Variants in SAMMSON observed in about 807,000 individuals in gnomAD.
SAMMSON encodes survival associated mitochondrial melanoma specific oncogenic non-coding RNA.
At chr3:70,058,989 TGAG>T (rs927696650) in intron 3 of SAMMSON, among the ~76,000 whole-genome samples, 6 of 152,000 alleles carry the variant, frequency 3.9e-5, no homozygotes, top group Admixed American at 3.3e-4. Flanking sequence ...TTTTATAGGT[TGAG>T]GAAATCAGGG....
chr3:70,100,628 G>A (rs566350911), intron 4 of SAMMSON, among the ~76,000 whole-genome samples: 22 of 151,870 alleles, frequency 1.4e-4, no homozygotes, highest in African/African-American at 3.6e-4. Flanking sequence ...GGAACTCATC[G>A]AAGAACTTCC....
intron 4 of SAMMSON, among the ~76,000 whole-genome samples, chr3:70,179,215 A>G (rs1293140679): frequency 6.6e-6 from 1 of 152,156 alleles, no homozygotes; most frequent in Non-Finnish European, 1.5e-5. Context: ...GGACACCTGG[A>G]GCTCTCTTCT....
intron 3 of SAMMSON, among the ~76,000 whole-genome samples, chr3:70,031,803 G>A (rs1221746303): frequency 1.3e-5 from 2 of 152,136 alleles, no homozygotes; most frequent in East Asian, 1.9e-4. Flanking sequence ...ACTGTAGACC[G>A]ACAGAGTTTG....
intron 4 of SAMMSON, among the ~76,000 whole-genome samples, chr3:70,176,203 A>G (rs981224495): frequency 6.6e-6 from 1 of 152,154 alleles, no homozygotes; most frequent in Non-Finnish European, 1.5e-5. Flanking sequence ...TCATGGAGGT[A>G]GTGCTGAGGA....
chr3:70,045,041 T>TA (rs1262350773), intron 3 of SAMMSON, among the ~76,000 whole-genome samples: 2 of 123,928 alleles, frequency 1.6e-5, no homozygotes, highest in Non-Finnish European at 3.2e-5. Flanking sequence ...ATATTATAAT[T>TA]AATATATATA....
intron 4 of SAMMSON, among the ~76,000 whole-genome samples, chr3:70,228,514 AG>A (rs1701529223): frequency 6.6e-6 from 1 of 151,846 alleles, no homozygotes; most frequent in Admixed American, 6.6e-5. Flanking sequence ...CCCCTGTTAT[AG>A]TTTTTCTAAG....
intron 4 of SAMMSON, among the ~76,000 whole-genome samples, chr3:70,241,199 T>C (rs1701665173): frequency 2.0e-5 from 3 of 152,158 alleles, no homozygotes; most frequent in Admixed American, 1.3e-4. Flanking sequence ...GAACGGTTCC[T>C]CATAAATATT....
At chr3:70,097,094 A>G (rs1360649840) in intron 4 of SAMMSON, among the ~76,000 whole-genome samples, 1 of 152,222 alleles carries the variant, frequency 6.6e-6, no homozygotes, top group Non-Finnish European at 1.5e-5. Context: ...TATGTGAATG[A>G]ATATTGGGTG....
intron 4 of SAMMSON, among the ~76,000 whole-genome samples, chr3:70,073,383 C>A (rs1189265655): frequency 1.3e-5 from 2 of 151,994 alleles, no homozygotes; most frequent in Non-Finnish European, 2.9e-5. Context: ...TTATGGAATG[C>A]CCACTATGTG....
intron 4 of SAMMSON, among the ~76,000 whole-genome samples, chr3:70,119,768 A>G (rs974366951): frequency 6.6e-6 from 1 of 152,194 alleles, no homozygotes; most frequent in Non-Finnish European, 1.5e-5. Flanking sequence ...ATATATCTTT[A>G]TTCTCTATAT....
intron 4 of SAMMSON, among the ~76,000 whole-genome samples, chr3:70,142,103 C>T (rs1210654698): frequency 7.3e-6 from 1 of 137,510 alleles, no homozygotes; most frequent in East Asian, 2.2e-4. Context: ...CCAGTACAAC[C>T]ACTATGGAAA....
At chr3:70,237,977 A>ATTTTTTTT (rs1251005797) in intron 4 of SAMMSON, among the ~76,000 whole-genome samples, 15 of 12,988 alleles carry the variant, frequency 1.2e-3, no homozygotes, top group African/African-American at 3.5e-3. Flanking sequence ...ATTGAGTGGT[A>ATTTTTTTT]TCTTTTTTTT....
At chr3:70,353,705 T>C (rs534618225) in intron 7 of SAMMSON, among the ~76,000 whole-genome samples, 18 of 152,150 alleles carry the variant, frequency 1.2e-4, no homozygotes, top group Non-Finnish European at 2.1e-4. Flanking sequence ...CATACAACTC[T>C]GGAATTCTTG....
chr3:70,203,658 A>C lies in SAMMSON; in HGVS notation n.508-45449A>C, dbSNP rs1701264655. Among the ~76,000 whole-genome samples the C allele has an allele frequency of 2.0e-5, 3 of 152,178 alleles. No individual in the cohort carries two copies. The South Asian group carries it at 6.2e-4, about 32-fold the overall frequency. ...TAATTGTATGAAATTTACAGTGTAG[A>C]AAATGTAATCATTTTATTCAGTAGT... On this transcript the variant is annotated intron_variant and non_coding_transcript_variant, in intron 4 of 9. Coordinates refer to ENST00000642114, the Ensembl canonical transcript of SAMMSON.
chr3:70,149,348 C>T (rs1050035965), intron 4 of SAMMSON, among the ~76,000 whole-genome samples: 4 of 152,016 alleles, frequency 2.6e-5, no homozygotes, highest in Admixed American at 6.6e-5. Context: ...AATGTAAAGA[C>T]GCAAACCTGC....
At chr3:70,199,414 A>G (rs543641796) in intron 4 of SAMMSON, among the ~76,000 whole-genome samples, 5 of 152,258 alleles carry the variant, frequency 3.3e-5, no homozygotes, top group African/African-American at 9.6e-5. Context: ...CCTTTGGCCA[A>G]ATTGGCACTT....
intron 7 of SAMMSON, among the ~76,000 whole-genome samples, chr3:70,353,749 C>T (rs778238069): frequency 3.3e-5 from 5 of 152,226 alleles, no homozygotes; most frequent in East Asian, 1.9e-4. Flanking sequence ...AACTTATGTT[C>T]ACACAAAAAC....
intron 3 of SAMMSON, among the ~76,000 whole-genome samples, chr3:70,052,410 T>C (rs1461930037): frequency 6.6e-6 from 1 of 152,104 alleles, no homozygotes; most frequent in African/African-American, 2.4e-5. Flanking sequence ...CCTCAGCAGC[T>C]TCCTGCAATC....
chr3:70,220,029 A>G (rs2106736039), intron 4 of SAMMSON, among the ~76,000 whole-genome samples: 1 of 152,290 alleles, frequency 6.6e-6, no homozygotes, highest in Non-Finnish European at 1.5e-5. Flanking sequence ...GAATTACAAA[A>G]ATAAAGAAAA....
Sources: allele counts gnomAD v4.1 joint callset (sites outside exome capture counted in the v4.1 genomes callset), GRCh38; gene constraint gnomAD v4.1.1; transcripts MANE v1.5; gene names NCBI Gene and HGNC (gene_info 2026-07-23, HGNC 2026-07-21).